The following PDCD5 variants were observed in gnomAD, a reference collection of about 807,000 sequenced individuals.
PDCD5 encodes programmed cell death protein 5.
A neutral mutation model predicts 21.9 loss-of-function variants in PDCD5; 23 were observed. That is an observed-to-expected ratio of 1.05 (90% confidence interval 0.76 to 1.49). The LOEUF (loss-of-function observed/expected upper bound fraction) is 1.49. Ranked by LOEUF, PDCD5 falls within the 40% of genes most tolerant of loss-of-function variation. PDCD5 has a pLI of 0.00. For synonymous variants in PDCD5, 45 were observed against 49.4 expected (o/e 0.91, Z 0.37); for missense variants, 152 against 147.7 (o/e 1.03, Z -0.15).
At chr19:32,583,980 C>T (rs926765136) in intron 2 of PDCD5, among the ~76,000 whole-genome samples, 5 of 152,072 alleles carry the variant, frequency 3.3e-5, no homozygotes, top group African/African-American at 9.7e-5. Context: ...TACAGGCACC[C>T]GCCACCATGC....
intron 4 of PDCD5, chr19:32,586,583 A>ATCATCACTATTT: frequency 8.4e-7 from 1 of 1,183,928 alleles, no homozygotes; most frequent in Non-Finnish European, 1.0e-6. Flanking sequence ...TAGTGATGAT[A>ATCATCACTATTT]AAGGTGTTCT....
chr19:32,582,209 G>C lies in PDCD5; in HGVS notation c.81G>C (p.Ala27=), dbSNP rs773778554. Residue 27 remains alanine, a synonymous_variant, in exon 2 of 6, where the codon GCG becomes GCC. Coordinates refer to ENST00000590247, the MANE Select transcript of PDCD5 (RefSeq NM_004708.4). ...TTTTTTTCCAGGATCCTGGTGATGC[G>C]GCCCAACAGGAAGCAAAGCACAGGT... ...LQAKHGDPGD[A]AQQEAKHREA... is the part of the protein sequence containing the mutation. 3 of 1,612,836 alleles carry C rather than the reference G, an allele frequency of 1.9e-6. No individual in the cohort carries two copies. Among genetic ancestry groups the C allele is most frequent in the Non-Finnish European group, 2.5e-6 (3 of 1,179,208 alleles).
rs75928255 is a variant in PDCD5 at position 32,581,196 on chromosome 19, C to G, written c.-66C>G. On this transcript the variant is annotated 5_prime_UTR_variant, in exon 1 of 6. Transcript: ENST00000590247. ...GCCCCGCGAGCGCCTGCGCAGTGGTCAAGGCCGCGCTCGCGCCGAGGGGCT... is the reference window on the plus strand; with the variant it reads ...GCCCCGCGAGCGCCTGCGCAGTGGTGAAGGCCGCGCTCGCGCCGAGGGGCT... 51,275 of 1,242,650 alleles carry G rather than the reference C, an allele frequency of 0.041. 1,169 individuals carry two copies. The highest frequency in any genetic ancestry group is 0.054 in the Middle Eastern group (194 of 3,566). The allele number at this position is 1,242,650 out of a possible 1,614,324, so 77.0% of individuals were successfully genotyped here.
intron 4 of PDCD5, 118 bp from the exon 5 acceptor site, chr19:32,586,737 ACTG>A: frequency 7.1e-7 from 1 of 1,413,562 alleles, no homozygotes; most frequent in Non-Finnish European, 9.2e-7. Context: ...CTGCCTCACC[ACTG>A]CTTCCTTCCT....
intron 4 of PDCD5, chr19:32,586,344 A>C (rs1599723355): frequency 7.9e-7 from 1 of 1,265,988 alleles, no homozygotes; most frequent in South Asian, 1.8e-5. Flanking sequence ...ATCAAGACGA[A>C]CCCCACCTGC....
chr19:32,583,415 G>GA (rs1218507615), intron 2 of PDCD5, among the ~76,000 whole-genome samples: 1 of 151,698 alleles, frequency 6.6e-6, no homozygotes, highest in African/African-American at 2.4e-5. Flanking sequence ...GAGGAGCTGA[G>GA]ATGACAGGCG....
chr19:32,584,792 A>C (rs1599722537), intron 2 of PDCD5, 158 bp from the exon 3 acceptor site: 1 of 649,012 alleles, frequency 1.5e-6, no homozygotes, highest in Non-Finnish European at 2.8e-6. Context: ...ATTCTACTTG[A>C]ATGTAGCTGC....
At chr19:32,583,154 G>A (rs1241154244) in intron 2 of PDCD5, among the ~76,000 whole-genome samples, 4 of 152,152 alleles carry the variant, frequency 2.6e-5, no homozygotes, top group African/African-American at 9.7e-5. Context: ...TTCTCTGCTT[G>A]AGGTTTTCCC....
Position 32,585,885 on chromosome 19 carries a change from G to A in PDCD5, c.236G>A (p.Arg79Lys), listed in dbSNP as rs1971471214. The A allele has an allele frequency of 6.2e-7, 1 of 1,611,822 alleles. No homozygotes were observed. Among genetic ancestry groups the A allele is most frequent in the Non-Finnish European group, 8.5e-7 (1 of 1,178,006 alleles). ...GAGAATTACCTTATACAGATGGCAA[G>A]ATATGGACAACTAAGTGAGAAGGTA... ...AVENYLIQMA[R>K]YGQLSEKVSE... The change falls in exon 4 of 6, where the codon AGA (arginine) becomes AAA (lysine). Residue 79 changes from arginine (R) to lysine (K), a missense_variant. By Grantham distance (26) the Arg-to-Lys change is conservative. Transcript: ENST00000590247.
At chr19:32,586,044 A>G in intron 4 of PDCD5, 137 bp downstream of exon 4, 5 of 1,578,268 alleles carry the variant, frequency 3.2e-6, no homozygotes. Flanking sequence ...GAATAGTCAT[A>G]CCTACTTTAA....
In PDCD5 at chr19:32,585,909, T is replaced by C. The variant is rs1971471510; in HGVS notation, c.258+2T>C. 6.2e-7 allele frequency: 1 copy of C among 1,613,022 alleles called. No homozygotes were observed. Among genetic ancestry groups the C allele is most frequent in the East Asian group, 2.2e-5 (1 of 44,876 alleles). On this transcript the variant is annotated splice_donor_variant, in intron 4 of 5. Transcript: ENST00000590247. LOFTEE classifies it high-confidence loss of function. ...AGATATGGACAACTAAGTGAGAAGG[T>C]AAGCTTAGACAGCCTTGAGGAACTT...
chr19:32,585,060 A>AT, intron 3 of PDCD5, 49 bp downstream of exon 3: 1 of 1,303,672 alleles, frequency 7.7e-7, no homozygotes, highest in Non-Finnish European at 1.1e-6. Context: ...AGTTAGTTGA[A>AT]TGGGGTGATT....
intron 1 of PDCD5, 94 bp from the exon 2 acceptor site, chr19:32,582,101 A>G: frequency 1.2e-6 from 1 of 831,398 alleles, no homozygotes; most frequent in Non-Finnish European, 2.0e-6. Flanking sequence ...TACCACCGCA[A>G]GAGACTGTTA....
chr19:32,585,079 T>G, intron 3 of PDCD5, 68 bp downstream of exon 3: 1 of 1,056,242 alleles, frequency 9.5e-7, no homozygotes, highest in African/African-American at 1.6e-5. Flanking sequence ...TTAGATACCA[T>G]TATTGCTATC....
intron 3 of PDCD5, among the ~76,000 whole-genome samples, chr19:32,585,276 G>A (rs781405129): frequency 6.6e-6 from 1 of 152,194 alleles, no homozygotes; most frequent in Non-Finnish European, 1.5e-5. Flanking sequence ...ATCACAAAAT[G>A]TTGCTGGTAG....
chr19:32,585,264 C>G (rs1188314934), intron 3 of PDCD5, among the ~76,000 whole-genome samples: 1 of 152,088 alleles, frequency 6.6e-6, no homozygotes, highest in Non-Finnish European at 1.5e-5. Context: ...CTCATAGGGC[C>G]AATCACAAAA....
rs1347955387 is a variant in PDCD5, at chr19:32,583,704, G to A, written c.105-1246G>A. Reference sequence around the variant, plus strand: ...AGGCCAGGTGTGGTGACTGAAGCCTGTAGACCCAGCTACTCAGGAGGCCGA... The same window carrying A: ...AGGCCAGGTGTGGTGACTGAAGCCTATAGACCCAGCTACTCAGGAGGCCGA... On this transcript the variant is annotated intron_variant, in intron 2 of 5. Coordinates refer to ENST00000590247, the MANE Select transcript of PDCD5 (RefSeq NM_004708.4). 2.6e-5 allele frequency among the ~76,000 whole-genome samples: 4 copies of A among 152,114 alleles called. No homozygotes were observed. The South Asian group carries it at 8.3e-4, about 31-fold the overall frequency.
At position 32,587,311 on chromosome 19, in the gene PDCD5, C is replaced by T. The variant is rs1227270477; in HGVS notation, c.*11C>T. ...GATGACGATTATTGAACTACAAGTG[C>T]TCACAGACTAGAACTTAACGGAACA... On this transcript the variant is annotated 3_prime_UTR_variant, in exon 6 of 6. Transcript: ENST00000590247. 6.3e-7 allele frequency: 1 copy of T among 1,588,010 alleles called. No homozygotes were observed. Among genetic ancestry groups the T allele is most frequent in the African/African-American group, 1.3e-5 (1 of 74,368 alleles).
intron 1 of PDCD5, chr19:32,581,702 T>G: frequency 4.7e-6 from 1 of 210,976 alleles, no homozygotes; most frequent in East Asian, 1.2e-4. Context: ...AGCCGACAGG[T>G]ATTGAGGGTC....
Sources: allele counts gnomAD v4.1 joint callset (sites outside exome capture counted in the v4.1 genomes callset), GRCh38; gene constraint gnomAD v4.1.1; transcripts MANE v1.5; gene names NCBI Gene and HGNC (gene_info 2026-07-23, HGNC 2026-07-21).